The following PARP11 variants were observed in gnomAD, a reference collection of about 807,000 sequenced individuals.
The protein encoded by PARP11 is protein mono-ADP-ribosyltransferase PARP11.
Under a neutral mutation model 42.9 loss-of-function variants are expected in PARP11, and 31 were observed. That is an observed-to-expected ratio of 0.72 (90% CI 0.54 to 0.98). The LOEUF (loss-of-function observed/expected upper bound fraction) is 0.98, where lower values mean the gene tolerates loss of function less well. PARP11 is among the 50% of genes least tolerant of loss of function. PARP11 has a pLI of 0.00. For synonymous variants in PARP11, 137 were observed against 127.3 expected, an observed-to-expected ratio of 1.08 and a Z score of -0.51; for missense variants, 365 against 413.1, an observed-to-expected ratio of 0.88 and a Z score of 1.01.
chr12:3,857,988 A>T (rs967973929), intron 1 of PARP11, among the ~76,000 whole-genome samples: 1 of 152,222 alleles, frequency 6.6e-6, no homozygotes, highest in Non-Finnish European at 1.5e-5. Context: ...AGCATGGAGG[A>T]TGCCACAAAT....
intron 6 of PARP11, chr12:3,814,869 A>G (rs901195654): frequency 3.7e-6 from 1 of 270,496 alleles, no homozygotes; most frequent in Admixed American, 4.5e-5. Flanking sequence ...AATCTTAAAA[A>G]ATAATATTGA....
intron 1 of PARP11, chr12:3,841,032 G>T: frequency 1.3e-6 from 2 of 1,586,778 alleles, no homozygotes; most frequent in Non-Finnish European, 1.7e-6. Context: ...CAGTGACACA[G>T]ACTTTGACCC....
chr12:3,834,292 T>G (rs1947709718), intron 1 of PARP11, among the ~76,000 whole-genome samples: 1 of 152,192 alleles, frequency 6.6e-6, no homozygotes, highest in Admixed American at 6.5e-5. Flanking sequence ...CTGAGAGGAC[T>G]GACTTTATTT....
At chr12:3,821,807 A>T in intron 6 of PARP11, 66 bp downstream of exon 6, 1 of 1,486,256 alleles carries the variant, frequency 6.7e-7, no homozygotes, top group South Asian at 1.2e-5. Context: ...ATACAATTCA[A>T]TATTTATGTT....
intron 1 of PARP11, chr12:3,839,351 G>A: frequency 2.6e-6 from 4 of 1,536,182 alleles, no homozygotes; most frequent in Non-Finnish European, 3.5e-6. Flanking sequence ...GGCGGCGCGG[G>A]GCCCCGCGAG....
chr12:3,863,239 T>C, intron 1 of PARP11, among the ~76,000 whole-genome samples: 1 of 152,238 alleles, frequency 6.6e-6, no homozygotes, highest in East Asian at 1.9e-4. Flanking sequence ...ATGAAACTCA[T>C]TTATTAGTTC....
chr12:3,855,435 T>C (rs1306689745), intron 1 of PARP11, among the ~76,000 whole-genome samples: 1 of 152,200 alleles, frequency 6.6e-6, no homozygotes, highest in South Asian at 2.1e-4. Context: ...TTCAGCAAAG[T>C]CTCAGGATAC....
At chr12:3,834,700 C>T (rs1947721190) in intron 1 of PARP11, among the ~76,000 whole-genome samples, 2 of 150,532 alleles carry the variant, frequency 1.3e-5, no homozygotes, top group Admixed American at 1.3e-4. Flanking sequence ...TTAAGAAAGG[C>T]TAGGAGCTCC....
chr12:3,844,640 A>G (rs1275465603), intron 1 of PARP11, among the ~76,000 whole-genome samples: 2 of 152,208 alleles, frequency 1.3e-5, no homozygotes, highest in South Asian at 2.1e-4. Context: ...TCTTACCTCA[A>G]TTGAGTAACA....
chr12:3,843,842 T>G (rs1333280613), intron 1 of PARP11, among the ~76,000 whole-genome samples: 2 of 152,238 alleles, frequency 1.3e-5, no homozygotes, highest in African/African-American at 4.8e-5. Context: ...TCTTTTATTA[T>G]GTTGAGATTA....
In PARP11 at chr12:3,810,873, A is replaced by C. The variant is rs1348813684; in HGVS notation, c.*1250T>G. 2 of 152,062 alleles carry C rather than the reference A, an allele frequency of 1.3e-5. No individual in the cohort carries two copies. The highest frequency in any genetic ancestry group is 3.9e-4 in the East Asian group (2 of 5,172). 9.4% of individuals were successfully genotyped at this position (152,062 alleles called of 1,614,324 possible). On this transcript the variant is annotated 3_prime_UTR_variant, in exon 8 of 8. Transcript: ENST00000228820. ...GGAGAGAAGAGGAGAAAAGGAAGAA[A>C]ATCAATGTGAGAGACTCTTCACCAT...
At chr12:3,829,757 T>C in intron 2 of PARP11, 133 bp downstream of exon 2, 2 of 894,158 alleles carry the variant, frequency 2.2e-6, no homozygotes, top group East Asian at 5.0e-5. Context: ...TTCTAACTTT[T>C]CTTTTAGTTA....
intron 6 of PARP11, among the ~76,000 whole-genome samples, chr12:3,815,549 A>G (rs1339503318): frequency 6.6e-6 from 1 of 152,222 alleles, no homozygotes; most frequent in Non-Finnish European, 1.5e-5. Flanking sequence ...AACAGTCTTT[A>G]GTTAACAAGA....
At chr12:3,846,432 A>G (rs1199589427) in intron 1 of PARP11, among the ~76,000 whole-genome samples, 1 of 152,198 alleles carries the variant, frequency 6.6e-6, no homozygotes, top group Non-Finnish European at 1.5e-5. Context: ...TCCTGGACAT[A>G]TAGAATCTAC....
chr12:3,865,705 C>G (rs1948378266), intron 1 of PARP11, among the ~76,000 whole-genome samples: 1 of 152,042 alleles, frequency 6.6e-6, no homozygotes, highest in African/African-American at 2.4e-5. Flanking sequence ...GTATCTTTCT[C>G]TATTTAGTTT....
intron 7 of PARP11, among the ~76,000 whole-genome samples, chr12:3,813,049 C>T (rs944460710): frequency 1.3e-5 from 2 of 152,178 alleles, no homozygotes; most frequent in Non-Finnish European, 2.9e-5. Flanking sequence ...AGGTGATCCA[C>T]CTGCCTCGAC....
In PARP11 at chr12:3,815,170, C is replaced by T. The variant is rs976542711; in HGVS notation, c.549-982G>A. 1.2e-5 allele frequency: 5 copies of T among 427,804 alleles called. No individual in the cohort carries two copies. In the East Asian group the frequency reaches 2.1e-4, roughly 18 times the overall value. The allele number at this position is 427,804 out of a possible 1,614,324, so 26.5% of individuals were successfully genotyped here. A position where few individuals can be genotyped will look rare whatever the true frequency, so the allele number is the denominator to read the frequency against. ...CATTCTTGAAACATTTCATAAAAAT[C>T]ATATTTTAAAAATTAAAAAGAATCC... On this transcript the variant is annotated intron_variant, in intron 6 of 7. Transcript: ENST00000228820.
intron 1 of PARP11, chr12:3,841,445 A>T: frequency 7.4e-7 from 1 of 1,354,368 alleles, no homozygotes; most frequent in Non-Finnish European, 1.1e-6. Context: ...GCCCAGAATT[A>T]AAGTGATTGT....
rs1948287445 is a variant in PARP11, at chr12:3,861,242, T to G, written c.18+11970A>C. 6.6e-6 allele frequency among the ~76,000 whole-genome samples: 1 copy of G among 152,204 alleles called. No homozygotes were observed. Among genetic ancestry groups the G allele is most frequent in the African/African-American group, 2.4e-5 (1 of 41,462 alleles). ...CAGAATGTTATAGACTAAACGTTTG[T>G]GTCCTTGCCAAATTATTATGTTGAA... is the stretch of plus-strand genomic sequence containing the variant. On this transcript the variant is annotated intron_variant, in intron 1 of 7. Transcript: ENST00000228820. This position sits in a 1 kb window ranked among gnomAD's most constrained non-coding sequence, Gnocchi z 4.6.
Sources: gnomAD v4.1 joint callset for allele counts (sites outside exome capture counted in the v4.1 genomes callset) on GRCh38, gnomAD v4.1.1 for gene constraint, Gnocchi (gnomAD v3.1) non-coding constraint, MANE v1.5 for transcripts, NCBI Gene and HGNC (gene_info 2026-07-23, HGNC 2026-07-21) for gene names.